The following INTS15 variants were observed in gnomAD, a reference collection of about 807,000 sequenced individuals.
The protein encoded by INTS15 is integrator complex subunit 15, also known as uncharacterized protein C7orf26.
the INTS15 span, among the ~76,000 whole-genome samples, chr7:6,607,140 G>A: frequency 6.6e-6 from 1 of 152,080 alleles, no homozygotes. This position sits in a 1 kb window ranked among gnomAD's most constrained non-coding sequence, Gnocchi z 6.0. Flanking sequence ...GGATCATCCT[G>A]GGGAGGGCGT....
the INTS15 span, among the ~76,000 whole-genome samples, chr7:6,595,221 A>G: frequency 3.7e-4 from 57 of 152,194 alleles, 1 homozygote; most frequent in East Asian, 0.01. Flanking sequence ...TTATAGAGAC[A>G]GGGTTTCGCC....
the INTS15 span, among the ~76,000 whole-genome samples, chr7:6,607,204 A>G: frequency 6.6e-6 from 1 of 152,140 alleles, no homozygotes; most frequent in East Asian, 1.9e-4. This position sits in a 1 kb window ranked among gnomAD's most constrained non-coding sequence, Gnocchi z 6.0. Context: ...GAAGGGACCC[A>G]GCGTTGGAAA....
At chr7:6,605,678 G>A in the INTS15 span, among the ~76,000 whole-genome samples, 3 of 152,140 alleles carry the variant, frequency 2.0e-5, no homozygotes, top group Middle Eastern at 3.4e-3. Flanking sequence ...ACAGGGGGTC[G>A]CCTGGAATAC....
At chr7:6,602,423 C>G in the INTS15 span, among the ~76,000 whole-genome samples, 7 of 152,160 alleles carry the variant, frequency 4.6e-5, no homozygotes, top group South Asian at 1.2e-3. Flanking sequence ...GCAGGGGGCC[C>G]TCTGTTGGTG....
At chr7:6,599,714 C>G in the INTS15 span, 1 of 1,008,234 alleles carries the variant, frequency 9.9e-7, no homozygotes, top group East Asian at 2.4e-5. Context: ...GAGGCGTGAT[C>G]CAGACCATCA....
At chr7:6,600,136 A>G in the INTS15 span, 1 of 1,614,170 alleles carries the variant, frequency 6.2e-7, no homozygotes, top group South Asian at 1.1e-5. Flanking sequence ...GCGTCCTGCA[A>G]GTGCTCATGA....
At chr7:6,598,735 TTGTGTGTGTG>T in the INTS15 span, among the ~76,000 whole-genome samples, 65 of 83,622 alleles carry the variant, frequency 7.8e-4, 2 homozygotes, top group South Asian at 1.9e-3. Flanking sequence ...GCTGTATGCT[TTGTGTGTGTG>T]TGTGTGTGTG....
At chr7:6,601,749 C>A in the INTS15 span, among the ~76,000 whole-genome samples, 1 of 150,814 alleles carries the variant, frequency 6.6e-6, no homozygotes, top group East Asian at 2.0e-4. Flanking sequence ...CTCCCTCTCC[C>A]AGGTTCAAGC....
At chr7:6,608,484 G>T in the INTS15 span, 1 of 1,233,300 alleles carries the variant, frequency 8.1e-7, no homozygotes, top group Non-Finnish European at 1.0e-6. Flanking sequence ...CAGGAGCCAC[G>T]GGTGCAAGCC....
At chr7:6,590,127 TGAGCAGGCAGG>T in the INTS15 span, 1 of 534,044 alleles carries the variant, frequency 1.9e-6, no homozygotes, top group Non-Finnish European at 2.8e-6. Context: ...GATGGCCCCC[TGAGCAGGCAGG>T]GAGCAGGCGG....
At chr7:6,590,626 C>G in the INTS15 span, 5 of 1,382,096 alleles carry the variant, frequency 3.6e-6, no homozygotes, top group Admixed American at 9.7e-5. Context: ...GCCCCCAAAC[C>G]CTTCTCCGGG....
chr7:6,601,388 C>T, the INTS15 span, among the ~76,000 whole-genome samples: 7 of 151,648 alleles, frequency 4.6e-5, no homozygotes, highest in South Asian at 2.1e-4. Context: ...CTCTGCCTCC[C>T]GGGTTCTAGT....
the INTS15 span, chr7:6,599,749 G>T: frequency 7.1e-7 from 1 of 1,411,934 alleles, no homozygotes; most frequent in Non-Finnish European, 9.8e-7. Context: ...TGGGCCTTGG[G>T]GTCAGGCTTC....
the INTS15 span, among the ~76,000 whole-genome samples, chr7:6,607,165 G>A: frequency 6.6e-6 from 1 of 152,132 alleles, no homozygotes; most frequent in Non-Finnish European, 1.5e-5. The surrounding 1 kb of genome is among the most constrained non-coding windows in gnomAD (Gnocchi z 6.0). Flanking sequence ...AGAAGGCAAG[G>A]GCCGTGAGAA....
At chr7:6,602,747 C>T in the INTS15 span, 3 of 471,068 alleles carry the variant, frequency 6.4e-6, no homozygotes, top group South Asian at 1.5e-5. Flanking sequence ...CAAACGCAGT[C>T]ATCAGGTGAA....
At chr7:6,606,268 C>A in the INTS15 span, among the ~76,000 whole-genome samples, 1 of 152,208 alleles carries the variant, frequency 6.6e-6, no homozygotes, top group African/African-American at 2.4e-5. Context: ...CCTCCACATA[C>A]CCTCTGTTTA....
chr7:6,592,725 C>T, the INTS15 span, among the ~76,000 whole-genome samples: 1 of 151,552 alleles, frequency 6.6e-6, no homozygotes, highest in Non-Finnish European at 1.5e-5. Flanking sequence ...CCTCCTACCT[C>T]AGCCCTCCAA....
the INTS15 span, chr7:6,608,347 G>T: frequency 4.9e-6 from 7 of 1,426,118 alleles, no homozygotes; most frequent in Non-Finnish European, 5.5e-6. Flanking sequence ...ATGCAGATTG[G>T]ATGGTGGAGG....
the INTS15 span, chr7:6,602,817 A>T: frequency 6.5e-6 from 3 of 462,648 alleles, no homozygotes; most frequent in Non-Finnish European, 1.4e-5. Context: ...CCAAAAGTCC[A>T]TATGTCCTTG....
Sources: gnomAD v4.1 joint callset for allele counts (sites outside exome capture counted in the v4.1 genomes callset) on GRCh38, gnomAD v4.1.1 for gene constraint, Gnocchi (gnomAD v3.1) non-coding constraint, MANE v1.5 for transcripts, NCBI Gene and HGNC (gene_info 2026-07-23, HGNC 2026-07-21) for gene names.